CADM1: variants seen among roughly 807,000 people sequenced by gnomAD.
CADM1 encodes the protein cell adhesion molecule 1.
CADM1 carries 15 observed loss-of-function variants against 53.1 expected under a neutral mutation model. That is an observed-to-expected ratio of 0.28 (90% CI 0.19 to 0.44). CADM1 has a LOEUF of 0.44. CADM1 is among the 20% of genes least tolerant of loss of function. CADM1 has a pLI of 1.00. For missense variants in CADM1, 434 were observed against 611.3 expected (o/e 0.71, Z 3.06); for synonymous variants, 281 against 243.0 (o/e 1.16, Z -1.45).
At chr11:115,389,628 A>C (rs948096093) in intron 1 of CADM1, among the ~76,000 whole-genome samples, 1 of 152,200 alleles carries the variant, frequency 6.6e-6, no homozygotes, top group Non-Finnish European at 1.5e-5. Flanking sequence ...ACAGGACTAA[A>C]GATGATACAT....
At chr11:115,210,486 A>C (rs1940908607) in intron 7 of CADM1, among the ~76,000 whole-genome samples, 1 of 152,224 alleles carries the variant, frequency 6.6e-6, no homozygotes, top group Non-Finnish European at 1.5e-5. Context: ...TCATCTCAAA[A>C]ATTATTTGGA....
At chr11:115,382,658 G>C (rs931191188) in intron 1 of CADM1, among the ~76,000 whole-genome samples, 1 of 151,952 alleles carries the variant, frequency 6.6e-6, no homozygotes, top group African/African-American at 2.4e-5. Flanking sequence ...GAATTATCCA[G>C]GAAATCATTA....
At chr11:115,416,932 A>G (rs904872421) in intron 1 of CADM1, among the ~76,000 whole-genome samples, 4 of 152,246 alleles carry the variant, frequency 2.6e-5, no homozygotes, top group African/African-American at 9.6e-5. Context: ...AAGAGGGAAC[A>G]GTCTCTAAAC....
At chr11:115,393,679 A>AT (rs1281722157) in intron 1 of CADM1, among the ~76,000 whole-genome samples, 1 of 152,070 alleles carries the variant, frequency 6.6e-6, no homozygotes, top group Admixed American at 6.6e-5. Flanking sequence ...AAATTATCTC[A>AT]TTAAAATTTG....
chr11:115,353,552 C>A (rs1294139747), intron 1 of CADM1, among the ~76,000 whole-genome samples: 1 of 152,204 alleles, frequency 6.6e-6, no homozygotes, highest in Non-Finnish European at 1.5e-5. Flanking sequence ...GAAATCAACT[C>A]TTAGCAAGCT....
rs112444148 is a variant in CADM1 at position 115,308,308 on chromosome 11, A to G, written c.125-67888T>C. On this transcript the variant is annotated intron_variant, in intron 1 of 11. Coordinates refer to ENST00000331581, the MANE Select transcript of CADM1 (RefSeq NM_001301043.2). Reference sequence around the variant, plus strand: ...TCTGGAGCAAAACACTCCACTGTCTATTGAAGAAACCCAACTTGCTTTCTA... The same window carrying G: ...TCTGGAGCAAAACACTCCACTGTCTGTTGAAGAAACCCAACTTGCTTTCTA... Among the ~76,000 whole-genome samples the G allele has an allele frequency of 1.8e-3, 278 of 151,720 alleles. 2 individuals are homozygous for G. The highest frequency in any genetic ancestry group is 5.8e-3 in the African/African-American group (242 of 41,418).
chr11:115,332,357 T>C (rs546731226), intron 1 of CADM1, among the ~76,000 whole-genome samples: 1 of 152,170 alleles, frequency 6.6e-6, no homozygotes, highest in Non-Finnish European at 1.5e-5. Context: ...GCAGATCTAT[T>C]AGGTGTGGCA....
At chr11:115,219,251 G>A (rs895314092) in intron 5 of CADM1, among the ~76,000 whole-genome samples, 3 of 152,022 alleles carry the variant, frequency 2.0e-5, no homozygotes, top group African/African-American at 7.3e-5. Flanking sequence ...GAAATATTAC[G>A]GCAAGGCTCA....
intron 1 of CADM1, among the ~76,000 whole-genome samples, chr11:115,442,566 A>C (rs1948342309): frequency 6.6e-6 from 1 of 152,208 alleles, no homozygotes; most frequent in Non-Finnish European, 1.5e-5. Context: ...ACCACAAAGA[A>C]TGATTTATGA....
chr11:115,176,371 A>G lies in CADM1; in HGVS notation c.*103T>C. 1.3e-6 allele frequency: 2 copies of G among 1,594,294 alleles called. No homozygotes were observed. The highest frequency in any genetic ancestry group is 1.1e-5 in the South Asian group (1 of 90,046). ...TTCCCAGTCTCACACCTTTCCACCC[A>G]TTCATAAAAAAACACACGAATTTCT... is the stretch of plus-strand genomic sequence containing the variant. On this transcript the variant is annotated 3_prime_UTR_variant, in exon 12 of 12. Coordinates refer to ENST00000331581, the MANE Select transcript of CADM1 (RefSeq NM_001301043.2).
intron 1 of CADM1, among the ~76,000 whole-genome samples, chr11:115,316,772 CA>C (rs1173900248): frequency 6.6e-6 from 1 of 152,124 alleles, no homozygotes; most frequent in Admixed American, 6.6e-5. Flanking sequence ...GCATATGAGA[CA>C]GCAAGAGAAG....
In CADM1 at chr11:115,201,592, G is replaced by C. The variant is rs564626222; in HGVS notation, c.1079-3154C>G. Among the ~76,000 whole-genome samples the C allele has an allele frequency of 3.3e-5, 5 of 152,266 alleles. No individual in the cohort carries two copies. In the East Asian group the frequency reaches 7.7e-4, roughly 23 times the overall value. On this transcript the variant is annotated intron_variant, in intron 8 of 11. Transcript: ENST00000331581. ...ATTGTTGGGTAACATTCTAAGCGTA[G>C]AGGCAAAATGCAAATACTAAATTTC... is the stretch of plus-strand genomic sequence containing the variant.
intron 1 of CADM1, among the ~76,000 whole-genome samples, chr11:115,474,290 CAAA>C (rs60168853): frequency 0.012 from 235 of 20,140 alleles, no homozygotes; most frequent in African/African-American, 0.039. Flanking sequence ...GACTCCATCT[CAAA>C]AAAAAAAAAA....
intron 1 of CADM1, among the ~76,000 whole-genome samples, chr11:115,244,057 T>A (rs1942329472): frequency 6.6e-6 from 1 of 152,236 alleles, no homozygotes; most frequent in African/African-American, 2.4e-5. Flanking sequence ...ATATTCCCTA[T>A]AACTCCCCGA....
intron 1 of CADM1, among the ~76,000 whole-genome samples, chr11:115,337,216 A>G (rs1171274619): frequency 6.6e-6 from 1 of 152,084 alleles, no homozygotes; most frequent in African/African-American, 2.4e-5. Flanking sequence ...TAGGTCCTTG[A>G]TGTTCTCCAG....
chr11:115,261,634 G>A (rs1441390795), intron 1 of CADM1, among the ~76,000 whole-genome samples: 2 of 152,074 alleles, frequency 1.3e-5, no homozygotes, highest in Non-Finnish European at 2.9e-5. Flanking sequence ...TCATTTCACT[G>A]TCTCCTTTTT....
intron 3 of CADM1, among the ~76,000 whole-genome samples, chr11:115,232,681 AAT>A (rs147635379): frequency 0.01 from 1,571 of 152,278 alleles, 29 homozygotes; most frequent in African/African-American, 0.035. Flanking sequence ...ATGATGATAA[AAT>A]ATGTTATCTT....
At chr11:115,324,798 CAGAA>C (rs542042273) in intron 1 of CADM1, among the ~76,000 whole-genome samples, 18 of 152,206 alleles carry the variant, frequency 1.2e-4, no homozygotes, top group African/African-American at 4.1e-4. Flanking sequence ...GAAGAGGAAA[CAGAA>C]AGCAAAGTTA....
Position 115,174,266 on chromosome 11 carries a change from AT to A in CADM1, c.*2207del, listed in dbSNP as rs10565366. On this transcript the variant is annotated 3_prime_UTR_variant, in exon 12 of 12. Transcript: ENST00000331581. ...TGCCAATTCTGTGAGCAATGGTGTG[AT>A]TTTTTTTTTTTGTTTTTGTTTTTGT... 0.2 allele frequency: 169,541 copies of A among 835,132 alleles called. 9,816 individuals are homozygous for A. The highest frequency in any genetic ancestry group is 0.37 in the African/African-American group (19,371 of 52,706). The allele number at this position is 835,132 out of a possible 1,614,324, so 51.7% of individuals were successfully genotyped here.
Sources: allele counts gnomAD v4.1 joint callset (sites outside exome capture counted in the v4.1 genomes callset), GRCh38; gene constraint gnomAD v4.1.1; transcripts MANE v1.5; gene names NCBI Gene and HGNC (gene_info 2026-07-23, HGNC 2026-07-21).